SCFD1: variants seen among roughly 807,000 people sequenced by gnomAD.
The protein encoded by SCFD1 is sec1 family domain containing 1.
Under a neutral mutation model 103.2 loss-of-function variants are expected in SCFD1, and 37 were observed. The ratio of observed to expected loss-of-function variants is 0.36; its 90% CI spans 0.28 to 0.47. The LOEUF is 0.47. Ranked by LOEUF, SCFD1 falls within the 20% of genes least tolerant of loss-of-function variation. The pLI, the probability that SCFD1 is intolerant of heterozygous loss-of-function variation, is 1.00. For missense variants in SCFD1, 639 were observed against 761.2 expected, an observed-to-expected ratio of 0.84 and a Z score of 1.89; for synonymous variants, 264 against 245.0, an observed-to-expected ratio of 1.08 and a Z score of -0.73.
chr14:30,653,414 G>T, intron 9 of SCFD1, 75 bp from the exon 10 acceptor site: 1 of 901,644 alleles, frequency 1.1e-6, no homozygotes. Flanking sequence ...GGCATATACT[G>T]GAAAGTAGTA....
chr14:30,639,790 A>G lies in SCFD1; in HGVS notation c.449A>G (p.Tyr150Cys). ...VTQVAKVFDQ[Y>C]LNFITLEDDM... is the part of the protein sequence containing the mutation. ...TTTTGTTTCTAGGTTTTTGACCAAT[A>G]TCTCAATTTTATTACTTTGGAAGAT... Residue 150 changes from tyrosine to cysteine, a missense_variant, in exon 6 of 25, where the codon TAT (tyrosine) becomes TGT (cysteine). Physicochemically the swap from Tyr to Cys is radical, Grantham distance 194. Transcript: ENST00000458591. 1 of 1,578,082 alleles carries G rather than the reference A, an allele frequency of 6.3e-7. No homozygotes were observed. The highest frequency in any genetic ancestry group is 8.6e-7 in the Non-Finnish European group (1 of 1,162,076).
At chr14:30,718,331 C>T (rs1409952802) in intron 20 of SCFD1, among the ~76,000 whole-genome samples, 1 of 152,200 alleles carries the variant, frequency 6.6e-6, no homozygotes, top group Non-Finnish European at 1.5e-5. Context: ...GGATGGCTAC[C>T]TTGTGGATCT....
chr14:30,681,175 C>T (rs558884507), intron 14 of SCFD1, among the ~76,000 whole-genome samples: 4 of 149,372 alleles, frequency 2.7e-5, no homozygotes, highest in South Asian at 2.1e-4. Flanking sequence ...GAGCCGAGAT[C>T]GTGCTATTGC....
At chr14:30,735,016 A>T (rs1240219198) in intron 24 of SCFD1, 158 bp downstream of exon 24, 2 of 575,382 alleles carry the variant, frequency 3.5e-6, no homozygotes, top group Non-Finnish European at 6.2e-6. Context: ...ACGACTAAGA[A>T]AACCTTGATA....
intron 19 of SCFD1, among the ~76,000 whole-genome samples, chr14:30,714,680 TATATA>T (rs1200132479): frequency 6.6e-6 from 1 of 152,128 alleles, no homozygotes; most frequent in East Asian, 1.9e-4. Context: ...GGAAAATCCT[TATATA>T]ATAGTAATGT....
At chr14:30,623,993 G>C (rs887814279) in intron 1 of SCFD1, among the ~76,000 whole-genome samples, 1 of 152,144 alleles carries the variant, frequency 6.6e-6, no homozygotes, top group Non-Finnish European at 1.5e-5. Flanking sequence ...ATTTACTATT[G>C]TTAGGCATTG....
chr14:30,693,561 A>C (rs973435221), intron 14 of SCFD1, among the ~76,000 whole-genome samples: 1 of 152,182 alleles, frequency 6.6e-6, no homozygotes, highest in Non-Finnish European at 1.5e-5. Flanking sequence ...GTGCCTTGGC[A>C]TGATCTGTTT....
Position 30,667,892 on chromosome 14 carries a change from G to A in SCFD1, c.856-2364G>A, listed in dbSNP as rs550819468. Among the ~76,000 whole-genome samples the A allele has an allele frequency of 1.4e-3, 214 of 152,212 alleles. 5 individuals carry two copies. Among genetic ancestry groups the A allele is most frequent in the Non-Finnish European group, 1.8e-4 (12 of 68,024 alleles). The stretch of plus-strand genomic sequence containing the variant: ...GGAGAACTACAAACCACTGCTCAAC[G>A]AAATAAAAGAGGACACAAACAAATG... On this transcript the variant is annotated intron_variant, in intron 10 of 24. Coordinates refer to ENST00000458591, the MANE Select transcript of SCFD1 (RefSeq NM_016106.4).
chr14:30,623,546 G>C (rs1594532712), intron 1 of SCFD1, among the ~76,000 whole-genome samples: 1 of 152,278 alleles, frequency 6.6e-6, no homozygotes, highest in East Asian at 1.9e-4. Flanking sequence ...CGTTGTATAT[G>C]TTTAAACAAA....
chr14:30,697,361 A>G (rs1890770982), intron 15 of SCFD1, among the ~76,000 whole-genome samples: 1 of 152,248 alleles, frequency 6.6e-6, no homozygotes, highest in Non-Finnish European at 1.5e-5. Flanking sequence ...GCATCAAAAT[A>G]AATAATAACA....
At chr14:30,719,485 A>C (rs2139403991) in intron 21 of SCFD1, 108 bp downstream of exon 21, 3 of 725,116 alleles carry the variant, frequency 4.1e-6, no homozygotes, top group Middle Eastern at 6.9e-4. Flanking sequence ...TATATGGAAA[A>C]CTCGTAAGGA....
chr14:30,631,239 C>T (rs1169475714), intron 3 of SCFD1, among the ~76,000 whole-genome samples: 1 of 152,050 alleles, frequency 6.6e-6, no homozygotes, highest in Admixed American at 6.6e-5. Flanking sequence ...CCTGTAATCC[C>T]AGCTACTTGA....
At chr14:30,630,362 G>T in intron 2 of SCFD1, 115 bp from the exon 3 acceptor site, 1 of 685,704 alleles carries the variant, frequency 1.5e-6, no homozygotes, top group Non-Finnish European at 2.6e-6. Context: ...TTGAGGCAAG[G>T]ATAACAATTC....
In SCFD1 at chr14:30,717,841, G is replaced by GC. The variant is rs1481849110; in HGVS notation, c.1684-1482dup. 4.0e-5 allele frequency among the ~76,000 whole-genome samples: 6 copies of GC among 149,588 alleles called. No individual in the cohort carries two copies. In the Admixed American group the frequency reaches 4.0e-4, roughly 10 times the overall value. On this transcript the variant is annotated intron_variant, in intron 20 of 24. Coordinates refer to ENST00000458591, the MANE Select transcript of SCFD1 (RefSeq NM_016106.4). The stretch of plus-strand genomic sequence containing the variant: ...AGAGTTTGCAGTAAGCCGAGATCAT[G>GC]CCACTGCACTCCAGCCTGGGTGACA...
intron 18 of SCFD1, among the ~76,000 whole-genome samples, chr14:30,707,526 A>C (rs1340320675): frequency 6.6e-6 from 1 of 152,192 alleles, no homozygotes; most frequent in Admixed American, 6.5e-5. Flanking sequence ...GAACACAGTA[A>C]TGTTTGACTT....
At chr14:30,657,633 G>A (rs1328371034) in intron 10 of SCFD1, among the ~76,000 whole-genome samples, 1 of 152,010 alleles carries the variant, frequency 6.6e-6, no homozygotes, top group East Asian at 1.9e-4. Context: ...TCTTAATGCA[G>A]TTTCTGGATA....
At chr14:30,638,028 C>T in intron 4 of SCFD1, 97 bp from the exon 5 acceptor site, 5 of 1,317,518 alleles carry the variant, frequency 3.8e-6, no homozygotes, top group South Asian at 1.9e-5. Flanking sequence ...TTTAAATATC[C>T]TGTCTTTTAA....
chr14:30,634,363 T>C (rs1031427906), intron 4 of SCFD1, among the ~76,000 whole-genome samples: 6 of 152,204 alleles, frequency 3.9e-5, no homozygotes, highest in African/African-American at 1.4e-4. Context: ...TTCTGTAATA[T>C]ATTTCATTAC....
intron 14 of SCFD1, among the ~76,000 whole-genome samples, chr14:30,677,749 G>A (rs751222276): frequency 1.4e-5 from 2 of 145,984 alleles, no homozygotes; most frequent in Admixed American, 6.8e-5. Context: ...ATTTTGCTCC[G>A]TAATCTCTTC....
Sources: allele counts gnomAD v4.1 joint callset (sites outside exome capture counted in the v4.1 genomes callset), GRCh38; gene constraint gnomAD v4.1.1; transcripts MANE v1.5; gene names NCBI Gene and HGNC (gene_info 2026-07-23, HGNC 2026-07-21).